The following LIN7C variants were observed in gnomAD, a reference collection of about 807,000 sequenced individuals.
LIN7C encodes lin-7 cell polarity scaffold C.
LIN7C carries 17 observed loss-of-function variants against 24.7 expected under a neutral mutation model. The observed-to-expected ratio is 0.69, with a 90% CI of 0.47 to 1.03. The LOEUF (loss-of-function observed/expected upper bound fraction) is 1.03, where lower values mean the gene tolerates loss of function less well. Among genes scored for constraint, LIN7C ranks in the 50% least tolerant of loss-of-function variants. LIN7C has a pLI of 0.00. For synonymous variants in LIN7C, 90 were observed against 83.4 expected (o/e 1.08, Z -0.43); for missense variants, 204 against 239.0 (o/e 0.85, Z 0.97).
chr11:27,498,870 A>G, intron 4 of LIN7C, 66 bp from the exon 5 acceptor site: 1 of 1,386,960 alleles, frequency 7.2e-7, no homozygotes, highest in African/African-American at 1.5e-5. Context: ...TCAAAATGCA[A>G]AAATGTTTAC....
At chr11:27,502,540 CTG>C (rs1221803199) in intron 1 of LIN7C, among the ~76,000 whole-genome samples, 4 of 152,096 alleles carry the variant, frequency 2.6e-5, no homozygotes, top group African/African-American at 4.8e-5. Flanking sequence ...TTAATTAACA[CTG>C]TTAATTCAAA....
At chr11:27,499,692 G>T in intron 3 of LIN7C, 124 bp from the exon 4 acceptor site, 2 of 795,858 alleles carry the variant, frequency 2.5e-6, no homozygotes, top group South Asian at 3.5e-5. Context: ...GCGTGATCTT[G>T]GCTCACTGCA....
intron 1 of LIN7C, among the ~76,000 whole-genome samples, chr11:27,505,883 C>T (rs1025905559): frequency 2.6e-5 from 4 of 152,122 alleles, no homozygotes; most frequent in Non-Finnish European, 5.9e-5. Flanking sequence ...AAATAAAGGA[C>T]TTAGGGACAG....
intron 1 of LIN7C, among the ~76,000 whole-genome samples, chr11:27,504,420 C>T (rs1049897377): frequency 1.1e-4 from 16 of 152,130 alleles, no homozygotes; most frequent in African/African-American, 3.6e-4. Flanking sequence ...AGAAGGCACT[C>T]TAAATCATCA....
Position 27,499,530 on chromosome 11 carries a change from A to G in LIN7C, c.267T>C (p.Ser89=). 6.2e-7 allele frequency: 1 copy of G among 1,614,206 alleles called. No individual in the cohort carries two copies. The highest frequency in any genetic ancestry group is 8.5e-7 in the Non-Finnish European group (1 of 1,180,046). ...TTGGTAGCTCAACAACTCGAGGATG[A>G]GAATGTCCTTCACTGGCAGCAAATG... ...VAAFAASEGH[S]HPRVVELPKT... The change falls in exon 4 of 5, where the codon TCT becomes TCC. Residue 89 remains serine (S), a synonymous_variant. Transcript: ENST00000278193.
In LIN7C at chr11:27,494,993, T is replaced by TAA. The variant is rs1242955025; in HGVS notation, c.*3655_*3656insTT. The stretch of plus-strand genomic sequence containing the variant: ...TATAAAATATTCACAAACATGTAGT[T>TAA]TTTTAAGTCTACACCAGGTCATGCT... On this transcript the variant is annotated 3_prime_UTR_variant, in exon 5 of 5. Coordinates refer to ENST00000278193, the MANE Select transcript of LIN7C (RefSeq NM_018362.4). 1 of 152,612 alleles carries TAA rather than the reference T, an allele frequency of 6.6e-6. No homozygotes were observed. The highest frequency in any genetic ancestry group is 6.5e-5 in the Admixed American group (1 of 15,280). The allele number at this position is 152,612 out of a possible 1,614,324, so 9.5% of individuals were successfully genotyped here.
chr11:27,497,136 G>A lies in LIN7C; in HGVS notation c.*1513C>T, dbSNP rs575525681. ...CAATACCTTAATGATAAATAACAATGCTGATTGACTTTTATTTTGAAAAAT... is the reference window on the plus strand; with the variant it reads ...CAATACCTTAATGATAAATAACAATACTGATTGACTTTTATTTTGAAAAAT... On this transcript the variant is annotated 3_prime_UTR_variant, in exon 5 of 5. Transcript: ENST00000278193. 5.9e-5 allele frequency: 9 copies of A among 152,614 alleles called. No individual in the cohort carries two copies. The East Asian group carries it at 1.7e-3, about 29-fold the overall frequency. 9.5% of individuals were successfully genotyped at this position (152,614 alleles called of 1,614,324 possible). A position where few individuals can be genotyped will look rare whatever the true frequency, so the allele number is the denominator to read the frequency against.
rs557186409 is a variant in LIN7C at position 27,496,530 on chromosome 11, A to C, written c.*2119T>G. On this transcript the variant is annotated 3_prime_UTR_variant, in exon 5 of 5. Transcript: ENST00000278193. ...TTATGAAAACTGCATTAATGAAAACAACCTACTGCTATTCATGCTCAACAG... is the reference window on the plus strand; with the variant it reads ...TTATGAAAACTGCATTAATGAAAACCACCTACTGCTATTCATGCTCAACAG... 1 of 152,312 alleles carries C rather than the reference A, an allele frequency of 6.6e-6. No individual in the cohort carries two copies. The highest frequency in any genetic ancestry group is 2.1e-4 in the South Asian group (1 of 4,832). 9.4% of individuals were successfully genotyped at this position (152,312 alleles called of 1,614,324 possible).
chr11:27,498,436 C>A lies in LIN7C; in HGVS notation c.*213G>T. 2.1e-6 allele frequency: 1 copy of A among 477,736 alleles called. No homozygotes were observed. The allele number at this position is 477,736 out of a possible 1,614,324, so 29.6% of individuals were successfully genotyped here. A position where few individuals can be genotyped will look rare whatever the true frequency, so the allele number is the denominator to read the frequency against. On this transcript the variant is annotated 3_prime_UTR_variant, in exon 5 of 5. Coordinates refer to ENST00000278193, the MANE Select transcript of LIN7C (RefSeq NM_018362.4). ...TGTAAAAACAGTAGGACAGAATTGC[C>A]CTCATCACCTTTTACTTTTTCTTGT...
chr11:27,504,927 A>G (rs7480781), intron 1 of LIN7C, among the ~76,000 whole-genome samples: 9,474 of 152,208 alleles, frequency 0.062, 652 homozygotes, highest in East Asian at 0.23. Flanking sequence ...TCCTACTAAG[A>G]GGTGGAGTCT....
intron 1 of LIN7C, among the ~76,000 whole-genome samples, chr11:27,506,406 G>A (rs546505795): frequency 2.0e-5 from 3 of 152,308 alleles, no homozygotes; most frequent in Admixed American, 6.5e-5. Flanking sequence ...ACGGGTCTCC[G>A]AATGCTGCTT....
chr11:27,498,859 C>A, intron 4 of LIN7C, 55 bp from the exon 5 acceptor site: 1 of 1,476,778 alleles, frequency 6.8e-7, no homozygotes, highest in Admixed American at 2.0e-5. Context: ...TTGAAAGTAA[C>A]TCAAAATGCA....
Position 27,501,489 on chromosome 11 carries a change from AT to A in LIN7C, c.228+5del. On this transcript the variant is annotated splice_donor_5th_base_variant and intron_variant, in intron 3 of 4. Transcript: ENST00000278193. The stretch of plus-strand genomic sequence containing the variant: ...ATTCTTACTTTTGGAAAACAAAAAA[AT>A]TTACCTTTGCAGTAGCGTTCGCTCT... The A allele has an allele frequency of 6.3e-7, 1 of 1,577,776 alleles. No homozygotes were observed. The highest frequency in any genetic ancestry group is 8.6e-7 in the Non-Finnish European group (1 of 1,162,950).
chr11:27,502,709 A>G (rs1024260753), intron 1 of LIN7C, among the ~76,000 whole-genome samples: 3 of 152,218 alleles, frequency 2.0e-5, no homozygotes, highest in Non-Finnish European at 4.4e-5. Context: ...TACCTTCCAT[A>G]TAAGGGTTAT....
At chr11:27,502,596 A>G (rs1253898723) in intron 1 of LIN7C, among the ~76,000 whole-genome samples, 1 of 152,190 alleles carries the variant, frequency 6.6e-6, no homozygotes, top group Non-Finnish European at 1.5e-5. Flanking sequence ...AATAAAAACA[A>G]TTAGCTTTAT....
rs199587063 is a variant in LIN7C at position 27,501,942 on chromosome 11, G to C, written c.38-22C>G. 2.2e-5 allele frequency: 32 copies of C among 1,442,758 alleles called. 1 individual carries two copies. Among genetic ancestry groups the C allele is most frequent in the Admixed American group, 5.2e-5 (3 of 58,104 alleles). 89.4% of individuals were successfully genotyped at this position (1,442,758 alleles called of 1,614,324 possible). On this transcript the variant is annotated intron_variant, in intron 1 of 4. Coordinates refer to ENST00000278193, the MANE Select transcript of LIN7C (RefSeq NM_018362.4). Reference sequence around the variant, plus strand: ...ATATCTAGAGTTAAACACACACACAGATAATTTTCTCCAAGGGTTTTCTCA... The same window carrying C: ...ATATCTAGAGTTAAACACACACACACATAATTTTCTCCAAGGGTTTTCTCA...
At chr11:27,501,266 G>A (rs1224028148) in intron 3 of LIN7C, among the ~76,000 whole-genome samples, 1 of 151,920 alleles carries the variant, frequency 6.6e-6, no homozygotes, top group East Asian at 1.9e-4. Flanking sequence ...CATTTCTATT[G>A]CATTATCTAA....
rs767266289 is a variant in LIN7C at position 27,498,635 on chromosome 11, A to C, written c.*14T>G. 1.2e-6 allele frequency: 2 copies of C among 1,600,618 alleles called. No homozygotes were observed. The highest frequency in any genetic ancestry group is 1.7e-6 in the Non-Finnish European group (2 of 1,174,088). On this transcript the variant is annotated 3_prime_UTR_variant, in exon 5 of 5. Transcript: ENST00000278193. ...AGCTAAAACGCAAAATGAAATATCA[A>C]GTTTTGAAATGTATTAGGTCTGTTG...
At position 27,496,448 on chromosome 11, in the gene LIN7C, C is replaced by G. The variant is rs1865171176; in HGVS notation, c.*2201G>C. 1 of 152,184 alleles carries G rather than the reference C, an allele frequency of 6.6e-6. No individual in the cohort carries two copies. 9.4% of individuals were successfully genotyped at this position (152,184 alleles called of 1,614,324 possible). A position where few individuals can be genotyped will look rare whatever the true frequency, so the allele number is the denominator to read the frequency against. ...ACTGCACTAAACCACCACTGTACAT[C>G]TTTGCCAATGAATGACTGTATTTTT... On this transcript the variant is annotated 3_prime_UTR_variant, in exon 5 of 5. Coordinates refer to ENST00000278193, the MANE Select transcript of LIN7C (RefSeq NM_018362.4).
Sources: allele counts gnomAD v4.1 joint callset (sites outside exome capture counted in the v4.1 genomes callset), GRCh38; gene constraint gnomAD v4.1.1; transcripts MANE v1.5; gene names NCBI Gene and HGNC (gene_info 2026-07-23, HGNC 2026-07-21).